The following FGD6 variants were observed in gnomAD, a reference collection of about 807,000 sequenced individuals.
The protein encoded by FGD6 is FYVE, RhoGEF and PH domain containing 6.
In FGD6, 90 loss-of-function variants were observed where a neutral mutation model predicts 149.4. That is an observed-to-expected ratio of 0.60 (90% CI 0.51 to 0.72). The LOEUF (loss-of-function observed/expected upper bound fraction) is 0.72. Ranked by LOEUF, FGD6 falls within the 30% of genes least tolerant of loss-of-function variation. The pLI is 0.00. For missense variants in FGD6, 1,437 were observed against 1,684.8 expected (o/e 0.85, Z 2.57); for synonymous variants, 527 against 584.0 (o/e 0.90, Z 1.41).
chr12:95,166,521 C>G (rs1351409054), intron 3 of FGD6, among the ~76,000 whole-genome samples: 1 of 151,770 alleles, frequency 6.6e-6, no homozygotes, highest in African/African-American at 2.4e-5. Flanking sequence ...CCAGCCTGGG[C>G]AACATGGCAA....
At chr12:95,081,685 A>T (rs199767610) in intron 20 of FGD6, 129 bp from the exon 21 acceptor site, 50 of 232,628 alleles carry the variant, frequency 2.1e-4, no homozygotes, top group South Asian at 3.8e-4. Context: ...ATATATATGT[A>T]TTTTTTTTTT....
At chr12:95,153,096 T>C (rs1880358050) in intron 3 of FGD6, 103 bp from the exon 4 acceptor site, 1 of 953,378 alleles carries the variant, frequency 1.0e-6, no homozygotes, top group Non-Finnish European at 1.6e-6. Flanking sequence ...GTAAGTTTCC[T>C]CCTAGCACAC....
chr12:95,165,339 T>C (rs1212163253), intron 3 of FGD6, among the ~76,000 whole-genome samples: 1 of 150,742 alleles, frequency 6.6e-6, no homozygotes. Context: ...TTTTTTTCTT[T>C]TTTTTTTTTT....
At chr12:95,162,183 C>T (rs1234573133) in intron 3 of FGD6, among the ~76,000 whole-genome samples, 1 of 150,740 alleles carries the variant, frequency 6.6e-6, no homozygotes, top group Non-Finnish European at 1.5e-5. Flanking sequence ...AGGAGGATCA[C>T]ATGAGCCCAG....
chr12:95,185,144 G>A (rs1881393101), intron 2 of FGD6, among the ~76,000 whole-genome samples: 1 of 152,188 alleles, frequency 6.6e-6, no homozygotes, highest in Non-Finnish European at 1.5e-5. Flanking sequence ...AAAGTGCTGG[G>A]ATTATAGGTG....
intron 7 of FGD6, among the ~76,000 whole-genome samples, chr12:95,136,435 C>T (rs569599373): frequency 2.0e-5 from 3 of 152,224 alleles, no homozygotes; most frequent in Admixed American, 6.5e-5. Context: ...TGGAATTCAC[C>T]GATCTTTTAA....
At chr12:95,175,799 CAAAAAAAAAAAAA>C (rs61051041) in intron 2 of FGD6, among the ~76,000 whole-genome samples, 2 of 38,940 alleles carry the variant, frequency 5.1e-5, no homozygotes, top group East Asian at 6.7e-4. Context: ...GACTCTGTCT[CAAAAAAAAAAAAA>C]AAAAAAAGAA....
chr12:95,102,697 A>G (rs1463619133), intron 14 of FGD6, among the ~76,000 whole-genome samples: 1 of 152,140 alleles, frequency 6.6e-6, no homozygotes, highest in Non-Finnish European at 1.5e-5. Context: ...TCAGAGGAGT[A>G]GCACACCCCA....
At chr12:95,139,257 C>A (rs1378533642) in intron 6 of FGD6, among the ~76,000 whole-genome samples, 1 of 151,984 alleles carries the variant, frequency 6.6e-6, no homozygotes, top group African/African-American at 2.4e-5. Flanking sequence ...CAAGGAAACA[C>A]AGGGCAACCT....
chr12:95,132,750 CAAATAAAT>C (rs935609804), intron 8 of FGD6, among the ~76,000 whole-genome samples: 4 of 151,630 alleles, frequency 2.6e-5, no homozygotes, highest in African/African-American at 4.8e-5. Flanking sequence ...GATTCCGTCT[CAAATAAAT>C]AAATAAATAA....
intron 3 of FGD6, 146 bp from the exon 4 acceptor site, chr12:95,153,139 C>T (rs1040828518): frequency 1.8e-5 from 12 of 668,500 alleles, no homozygotes; most frequent in South Asian, 3.8e-5. Context: ...AAATGGCAAA[C>T]GTGGAGAATT....
At chr12:95,175,602 G>A (rs1881111800) in intron 2 of FGD6, among the ~76,000 whole-genome samples, 1 of 151,854 alleles carries the variant, frequency 6.6e-6, no homozygotes, top group African/African-American at 2.4e-5. Flanking sequence ...AAATTTAGCC[G>A]GGTGCAGTGG....
At chr12:95,215,874 G>T (rs1414863287) in intron 1 of FGD6, among the ~76,000 whole-genome samples, 2 of 152,152 alleles carry the variant, frequency 1.3e-5, no homozygotes, top group African/African-American at 2.4e-5. Context: ...CTCCAAAAAG[G>T]AAAGAGCTAA....
chr12:95,174,579 C>T (rs1218452026), intron 2 of FGD6, among the ~76,000 whole-genome samples: 1 of 152,062 alleles, frequency 6.6e-6, no homozygotes, highest in African/African-American at 2.4e-5. Flanking sequence ...GTTTTAGACT[C>T]CTAAGTATAA....
chr12:95,214,315 T>C (rs749710903), intron 1 of FGD6, among the ~76,000 whole-genome samples: 3 of 152,214 alleles, frequency 2.0e-5, no homozygotes, highest in Admixed American at 6.5e-5. Context: ...TAGAATAATA[T>C]TTTGAAAAGT....
chr12:95,152,697 A>G, intron 5 of FGD6, 114 bp downstream of exon 5: 1 of 921,646 alleles, frequency 1.1e-6, no homozygotes, highest in South Asian at 1.6e-5. Context: ...TATGAAATAC[A>G]TACATTTTAG....
chr12:95,191,090 A>G (rs751994286), intron 2 of FGD6, among the ~76,000 whole-genome samples: 2 of 152,120 alleles, frequency 1.3e-5, no homozygotes, highest in Non-Finnish European at 2.9e-5. Context: ...TAAGTGATAC[A>G]TCTTCTTTGC....
chr12:95,120,496 G>T (rs955842481), intron 8 of FGD6, among the ~76,000 whole-genome samples: 1 of 151,830 alleles, frequency 6.6e-6, no homozygotes, highest in African/African-American at 2.4e-5. Flanking sequence ...AGACCAGCCT[G>T]GCCAACATAG....
At chr12:95,199,434 T>C (rs764105105) in intron 2 of FGD6, among the ~76,000 whole-genome samples, 2 of 152,152 alleles carry the variant, frequency 1.3e-5, no homozygotes, top group Non-Finnish European at 2.9e-5. Context: ...CCCAGACTTC[T>C]AAAAGACTAA....
Sources: gnomAD v4.1 joint callset for allele counts (sites outside exome capture counted in the v4.1 genomes callset) on GRCh38, gnomAD v4.1.1 for gene constraint, MANE v1.5 for transcripts, NCBI Gene and HGNC (gene_info 2026-07-23, HGNC 2026-07-21) for gene names.